INO80B: variants seen among roughly 807,000 people sequenced by gnomAD.
INO80B encodes the protein INO80 complex subunit B.
A neutral mutation model predicts 31.4 loss-of-function variants in INO80B; 18 were observed. The ratio of observed to expected loss-of-function variants is 0.57; its 90% confidence interval spans 0.40 to 0.85. The LOEUF (loss-of-function observed/expected upper bound fraction) is 0.85, where lower values mean the gene tolerates loss of function less well. Among genes scored for constraint, INO80B ranks in the 40% least tolerant of loss-of-function variants. The pLI is 0.00. For synonymous variants in INO80B, 238 were observed against 199.0 expected, an observed-to-expected ratio of 1.20 and a Z score of -1.65; for missense variants, 469 against 475.4, an observed-to-expected ratio of 0.99 and a Z score of 0.13.
At position 74,457,846 on chromosome 2, in the gene INO80B, C is replaced by A. The variant is rs1671752550; in HGVS notation, c.1053C>A (p.Ser351=). Residue 351 remains serine (S), a synonymous_variant, in exon 5 of 5, where the codon TCC becomes TCA. Coordinates refer to ENST00000233331, the MANE Select transcript of INO80B (RefSeq NM_031288.4). ...MRLGGPEGPG[S]PLLAT Reference sequence around the variant, plus strand: ...TGGGGGGGCCCGAGGGTCCTGGATCCCCCCTTTTGGCTACGTAAGGCCCTT... The same window carrying A: ...TGGGGGGGCCCGAGGGTCCTGGATCACCCCTTTTGGCTACGTAAGGCCCTT... 2 of 1,562,698 alleles carry A rather than the reference C, an allele frequency of 1.3e-6. No individual in the cohort carries two copies. The highest frequency in any genetic ancestry group is 3.6e-5 in the Admixed American group (2 of 55,474).
rs759996973 is a variant in INO80B at position 74,456,156 on chromosome 2, G to C, written c.424G>C (p.Gly142Arg). Residue 142 changes from glycine to arginine, a missense_variant, in exon 4 of 5, where the codon GGG becomes CGG. By Grantham distance (125) the Gly-to-Arg change is moderately radical (BLOSUM62 -2). Coordinates refer to ENST00000233331, the MANE Select transcript of INO80B (RefSeq NM_031288.4). ...SPLRDLSGGL[G>R]GQEEEEEQRW... is the part of the protein sequence containing the mutation. ...ACTTCGGGACCTATCAGGAGGGTTA[G>C]GGGGTCAGGAGGAAGAGGAGGAACA... The C allele has an allele frequency of 6.8e-6, 11 of 1,612,862 alleles. No homozygotes were observed. The highest frequency in any genetic ancestry group is 9.3e-6 in the Non-Finnish European group (11 of 1,179,326).
chr2:74,456,352 C>A, intron 4 of INO80B, 80 bp downstream of exon 4: 1 of 1,416,832 alleles, frequency 7.1e-7, no homozygotes, highest in Non-Finnish European at 9.9e-7. Flanking sequence ...CTTTGCGTGG[C>A]ATTGGGGATA....
chr2:74,457,294 C>T, intron 4 of INO80B, 40 bp from the exon 5 acceptor site: 2 of 1,570,238 alleles, frequency 1.3e-6, no homozygotes, highest in Non-Finnish European at 1.7e-6. Flanking sequence ...CTCCATCTTC[C>T]TCCATTTTCA....
Position 74,455,939 on chromosome 2 carries a change from G to A in INO80B, c.370+3G>A. ...TGAGCAGTACCGTGCCTGGCTGGGT[G>A]AGGATCTGGAGGTGGGGAAACTGGG... On this transcript the variant is annotated splice_donor_region_variant and intron_variant, in intron 3 of 4. Coordinates refer to ENST00000233331, the MANE Select transcript of INO80B (RefSeq NM_031288.4). 1.3e-6 allele frequency: 2 copies of A among 1,593,234 alleles called. No individual in the cohort carries two copies. The highest frequency in any genetic ancestry group is 1.7e-6 in the Non-Finnish European group (2 of 1,161,010).
At chr2:74,455,706 G>C (rs1470914460) in intron 2 of INO80B, 108 bp downstream of exon 2, 13 of 1,404,982 alleles carry the variant, frequency 9.3e-6, no homozygotes, top group Non-Finnish European at 1.2e-5. Context: ...GTGACTTCAG[G>C]GTCCAGATTT....
chr2:74,456,128 T>A lies in INO80B; in HGVS notation c.396T>A (p.Ser132=), dbSNP rs751880633. 6.2e-7 allele frequency: 1 copy of A among 1,601,390 alleles called. No homozygotes were observed. The highest frequency in any genetic ancestry group is 1.7e-5 in the Admixed American group (1 of 57,970). ...WLDEDSNLSP[S]PLRDLSGGLG... The stretch of plus-strand genomic sequence containing the variant: ...ATGAAGACAGTAATCTCTCTCCCTC[T>A]CCACTTCGGGACCTATCAGGAGGGT... The change falls in exon 4 of 5, where the codon TCT becomes TCA. Residue 132 remains serine, a synonymous_variant. Transcript: ENST00000233331.
chr2:74,457,843 A>G lies in INO80B; in HGVS notation c.1050A>G (p.Gly350=). 1 of 1,567,154 alleles carries G rather than the reference A, an allele frequency of 6.4e-7. No individual in the cohort carries two copies. Among genetic ancestry groups the G allele is most frequent in the East Asian group, 2.3e-5 (1 of 43,908 alleles). ...QMRLGGPEGP[G]SPLLAT ...GGCTGGGGGGGCCCGAGGGTCCTGGATCCCCCCTTTTGGCTACGTAAGGCC... is the reference window on the plus strand; with the variant it reads ...GGCTGGGGGGGCCCGAGGGTCCTGGGTCCCCCCTTTTGGCTACGTAAGGCC... The change falls in exon 5 of 5, where the codon GGA becomes GGG. Residue 350 remains glycine, a synonymous_variant. Coordinates refer to ENST00000233331, the MANE Select transcript of INO80B (RefSeq NM_031288.4).
chr2:74,457,857 C>A lies in INO80B; in HGVS notation c.1064C>A (p.Ala355Asp). 6.4e-7 allele frequency: 1 copy of A among 1,553,596 alleles called. No individual in the cohort carries two copies. The highest frequency in any genetic ancestry group is 8.6e-7 in the Non-Finnish European group (1 of 1,156,224). ...GAGGGTCCTGGATCCCCCCTTTTGG[C>A]TACGTAAGGCCCTTAACCCGGACTC... is the stretch of plus-strand genomic sequence containing the variant. ...GPEGPGSPLL[A>D]T Residue 355 changes from alanine (A) to aspartate (D), a missense_variant, in exon 5 of 5, where the codon GCT becomes GAT. Transcript: ENST00000233331.
chr2:74,456,826 G>C (rs927192496), intron 4 of INO80B, among the ~76,000 whole-genome samples: 1 of 152,260 alleles, frequency 6.6e-6, no homozygotes, highest in Non-Finnish European at 1.5e-5. Flanking sequence ...GTAATCAGCT[G>C]AGAGGCAGTG....
Position 74,457,474 on chromosome 2 carries a change from G to A in INO80B, c.681G>A (p.Ala227=). The change falls in exon 5 of 5, where the codon GCG becomes GCA. Residue 227 remains alanine (A), a synonymous_variant. Transcript: ENST00000233331. The part of the protein sequence containing the change: ...EERARKRRLQ[A]ARRAEEHKNQ... Reference sequence around the variant, plus strand: ...GGGCGCGGAAGCGGCGGCTCCAGGCGGCGCGGCGGGCAGAAGAGCACAAGA... The same window carrying A: ...GGGCGCGGAAGCGGCGGCTCCAGGCAGCGCGGCGGGCAGAAGAGCACAAGA... The A allele has an allele frequency of 6.4e-7, 1 of 1,554,810 alleles. No homozygotes were observed. Among genetic ancestry groups the A allele is most frequent in the Non-Finnish European group, 8.7e-7 (1 of 1,149,796 alleles).
Position 74,457,927 on chromosome 2 carries a change from T to C in INO80B, c.*63T>C, listed in dbSNP as rs1197522180. On this transcript the variant is annotated 3_prime_UTR_variant, in exon 5 of 5. Coordinates refer to ENST00000233331, the MANE Select transcript of INO80B (RefSeq NM_031288.4). The stretch of plus-strand genomic sequence containing the variant: ...GCTCTTGAGTATCTTCCCCACCCTA[T>C]TAAATTACATCCGGTGCTTCGGCTT... 2.1e-6 allele frequency: 3 copies of C among 1,415,202 alleles called. No individual in the cohort carries two copies. Among genetic ancestry groups the C allele is most frequent in the Non-Finnish European group, 2.8e-6 (3 of 1,065,856 alleles). The allele number at this position is 1,415,202 out of a possible 1,614,324, so 87.7% of individuals were successfully genotyped here. A position where few individuals can be genotyped will look rare whatever the true frequency, so the allele number is the denominator to read the frequency against.
chr2:74,457,544 C>A lies in INO80B; in HGVS notation c.751C>A (p.Arg251=), dbSNP rs766075056. ...CACCAAGACTGCGGCGACCAGTGGG[C>A]GGGGAGGCCGGGGGGGCGCACGGGG... is the stretch of plus-strand genomic sequence containing the variant. ...RLTKTAATSG[R]GGRGGARGER... is the part of the protein sequence containing the mutation. Residue 251 remains arginine, a synonymous_variant, in exon 5 of 5, where the codon CGG becomes AGG. Transcript: ENST00000233331. The A allele has an allele frequency of 4.3e-5, 62 of 1,446,588 alleles. No individual in the cohort carries two copies. Among genetic ancestry groups the A allele is most frequent in the Non-Finnish European group, 5.5e-5 (60 of 1,084,738 alleles). 89.6% of individuals were successfully genotyped at this position (1,446,588 alleles called of 1,614,324 possible). A position where few individuals can be genotyped will look rare whatever the true frequency, so the allele number is the denominator to read the frequency against.
At position 74,455,917 on chromosome 2, in the gene INO80B, G is replaced by C; in HGVS notation, c.351G>C (p.Glu117Asp). The C allele has an allele frequency of 6.2e-7, 1 of 1,611,408 alleles. No homozygotes were observed. The highest frequency in any genetic ancestry group is 8.5e-7 in the Non-Finnish European group (1 of 1,177,558). Residue 117 changes from glutamate (E) to aspartate (D), a missense_variant, in exon 3 of 5, where the codon GAG (glutamate) becomes GAC (aspartate). This residue lies in a region of INO80B where 223 missense variants were observed against 253.4 expected (regional missense o/e 0.88). Transcript: ENST00000233331. ...EEEPMEGVPL[E>D]QYRAWLDEDS... ...AACCTATGGAAGGAGTCCCCCTTGA[G>C]CAGTACCGTGCCTGGCTGGGTGAGG...
In INO80B at chr2:74,457,738, C is replaced by T; in HGVS notation, c.945C>T (p.Pro315=). 1.2e-6 allele frequency: 2 copies of T among 1,600,364 alleles called. No individual in the cohort carries two copies. The highest frequency in any genetic ancestry group is 2.2e-5 in the East Asian group (1 of 44,852). The change falls in exon 5 of 5, where the codon CCC becomes CCT. Residue 315 remains proline, a synonymous_variant. Coordinates refer to ENST00000233331, the MANE Select transcript of INO80B (RefSeq NM_031288.4). The part of the protein sequence containing the change: ...PPPRCSVPGC[P]HPRRYACSRT... ...CGCGCTGCTCTGTCCCCGGCTGTCC[C>T]CATCCGCGCCGCTACGCTTGCTCCC...
At chr2:74,456,432 TG>T (rs1251810935) in intron 4 of INO80B, among the ~76,000 whole-genome samples, 160 bp downstream of exon 4, 1 of 152,158 alleles carries the variant, frequency 6.6e-6, no homozygotes, top group African/African-American at 2.4e-5. Context: ...GTTGGGGGGC[TG>T]GGAAGTAAAT....
At position 74,457,922 on chromosome 2, in the gene INO80B, C is replaced by T; in HGVS notation, c.*58C>T. The T allele has an allele frequency of 2.8e-6, 4 of 1,443,430 alleles. No homozygotes were observed. The highest frequency in any genetic ancestry group is 1.8e-6 in the Non-Finnish European group (2 of 1,088,500). The allele number at this position is 1,443,430 out of a possible 1,614,324, so 89.4% of individuals were successfully genotyped here. ...TGCCCGCTCTTGAGTATCTTCCCCA[C>T]CCTATTAAATTACATCCGGTGCTTC... On this transcript the variant is annotated 3_prime_UTR_variant, in exon 5 of 5. Transcript: ENST00000233331.
Position 74,455,120 on chromosome 2 carries a change from A to C in INO80B, c.4A>C (p.Ser2Arg). The change falls in exon 1 of 5, where the codon AGT becomes CGT. Residue 2 changes from serine to arginine, a missense_variant. Ser to Arg is a moderately radical substitution (Grantham distance 110). Around this residue, in one of 3 missense-constraint regions of INO80B, gnomAD observed 223 missense variants for 253.4 expected, o/e 0.88. Transcript: ENST00000233331. MSKLWRRGSTSG... is the reference protein window; with the variant it reads MRKLWRRGSTSG... Reference sequence around the variant, plus strand: ...TCCCCTTTCCTCGCAGGACCTCATGAGTAAGCTGTGGCGGCGTGGGAGCAC... The same window carrying C: ...TCCCCTTTCCTCGCAGGACCTCATGCGTAAGCTGTGGCGGCGTGGGAGCAC... The C allele has an allele frequency of 6.2e-7, 1 of 1,614,164 alleles. No homozygotes were observed. Among genetic ancestry groups the C allele is most frequent in the Non-Finnish European group, 8.5e-7 (1 of 1,180,016 alleles).
In INO80B at chr2:74,455,498, C is replaced by T; in HGVS notation, c.151C>T (p.His51Tyr). The change falls in exon 2 of 5, where the codon CAC becomes TAC. Residue 51 changes from histidine (H) to tyrosine (Y), a missense_variant. His to Tyr is a moderately conservative substitution (Grantham distance 83, BLOSUM62 2). Coordinates refer to ENST00000233331, the MANE Select transcript of INO80B (RefSeq NM_031288.4). ...KKHKKKHKKKHHQEEDAGPTQ... is the reference protein window; with the variant it reads ...KKHKKKHKKKYHQEEDAGPTQ... The stretch of plus-strand genomic sequence containing the variant: ...GCACAAGAAGAAACACAAGAAGAAA[C>T]ACCATCAGGAAGAAGACGCCGGGCC... 2 of 1,614,096 alleles carry T rather than the reference C, an allele frequency of 1.2e-6. No individual in the cohort carries two copies. Among genetic ancestry groups the T allele is most frequent in the Non-Finnish European group, 1.7e-6 (2 of 1,179,998 alleles).
chr2:74,455,205 C>T, intron 1 of INO80B, 31 bp downstream of exon 1: 2 of 1,612,114 alleles, frequency 1.2e-6, no homozygotes, highest in Non-Finnish European at 1.7e-6. Flanking sequence ...CAATTTAGGT[C>T]GTGTTAGAAA....
Sources: allele counts gnomAD v4.1 joint callset (sites outside exome capture counted in the v4.1 genomes callset), GRCh38; gene constraint gnomAD v4.1.1; regional missense constraint gnomAD v4.1.1; transcripts MANE v1.5; gene names NCBI Gene and HGNC (gene_info 2026-07-23, HGNC 2026-07-21).